The following C1GALT1 variants were observed in gnomAD, a reference collection of about 807,000 sequenced individuals.
C1GALT1 encodes core 1 synthase, glycoprotein-N-acetylgalactosamine 3-beta-galactosyltransferase 1.
Under a neutral mutation model 31.0 loss-of-function variants are expected in C1GALT1, and 11 were observed. The observed-to-expected ratio is 0.36, with a 90% CI of 0.22 to 0.59. The LOEUF is 0.59. Among genes scored for constraint, C1GALT1 ranks in the 20% least tolerant of loss-of-function variants. C1GALT1 has a pLI of 0.79. For synonymous variants in C1GALT1, 175 were observed against 143.6 expected, an observed-to-expected ratio of 1.22 and a Z score of -1.56; for missense variants, 424 against 425.2, an observed-to-expected ratio of 1.00 and a Z score of 0.03.
upstream of C1GALT1, among the ~76,000 whole-genome samples, chr7:7,177,719 C>A (rs1422978383): frequency 6.6e-6 from 1 of 152,190 alleles, no homozygotes; most frequent in African/African-American, 2.4e-5. Context: ...AATAAGTTGT[C>A]ACTTCCTGAA....
At chr7:7,201,065 A>G (rs1446293401) in intron 1 of C1GALT1, among the ~76,000 whole-genome samples, 1 of 152,176 alleles carries the variant, frequency 6.6e-6, no homozygotes, top group African/African-American at 2.4e-5. Flanking sequence ...GTTCCTTTGG[A>G]GGAGAAGAGG....
intron 2 of C1GALT1, among the ~76,000 whole-genome samples, chr7:7,157,815 A>G (rs146520289): frequency 4.7e-4 from 72 of 152,330 alleles, no homozygotes; most frequent in Non-Finnish European, 9.1e-4. Flanking sequence ...GTACATGTAC[A>G]TTCTGAACAA....
At chr7:7,203,671 T>G (rs1165518448) in intron 1 of C1GALT1, among the ~76,000 whole-genome samples, 1 of 152,062 alleles carries the variant, frequency 6.6e-6, no homozygotes, top group East Asian at 1.9e-4. Context: ...TTTCTCTTTT[T>G]AGGTTGCTCT....
intron 2 of C1GALT1, among the ~76,000 whole-genome samples, chr7:7,173,860 T>C (rs989519043): frequency 1.3e-5 from 2 of 152,140 alleles, no homozygotes; most frequent in African/African-American, 4.8e-5. Flanking sequence ...CCTGCCGAGA[T>C]CATGCCACTG....
intron 3 of C1GALT1, 105 bp downstream of exon 3, chr7:7,239,027 C>G: frequency 1.1e-6 from 1 of 911,120 alleles, no homozygotes. Flanking sequence ...ACAACAAGGA[C>G]TCTTCCTTAG....
At chr7:7,182,030 A>G (rs1780602939), upstream of C1GALT1, among the ~76,000 whole-genome samples, 2 of 152,168 alleles carry the variant, frequency 1.3e-5, no homozygotes, top group Admixed American at 1.3e-4. Flanking sequence ...TTCTGGTATC[A>G]TTATCTCGGT....
At chr7:7,227,971 T>G (rs1377684747) in intron 1 of C1GALT1, among the ~76,000 whole-genome samples, 1 of 152,206 alleles carries the variant, frequency 6.6e-6, no homozygotes, top group African/African-American at 2.4e-5. Flanking sequence ...GAAAATGGAC[T>G]AAGACATAAT....
At chr7:7,217,911 C>A (rs181848407) in intron 1 of C1GALT1, among the ~76,000 whole-genome samples, 57 of 152,270 alleles carry the variant, frequency 3.7e-4, no homozygotes, top group African/African-American at 1.4e-3. Flanking sequence ...TAGCTCTCCC[C>A]TCCCTGCCGC....
chr7:7,243,830 A>G lies in C1GALT1; in HGVS notation c.*103A>G. ...ACTGGAATCCCAGTGAGGAATTCTA[A>G]GTGAACATTCCTTATAGAAACCTTT... On this transcript the variant is annotated 3_prime_UTR_variant, in exon 4 of 4. Coordinates refer to ENST00000436587, the MANE Select transcript of C1GALT1 (RefSeq NM_020156.5). 1.2e-6 allele frequency: 1 copy of G among 819,926 alleles called. No homozygotes were observed. The highest frequency in any genetic ancestry group is 1.9e-6 in the Non-Finnish European group (1 of 534,424). The allele number at this position is 819,926 out of a possible 1,614,324, so 50.8% of individuals were successfully genotyped here. A position where few individuals can be genotyped will look rare whatever the true frequency, so the allele number is the denominator to read the frequency against.
intron 1 of C1GALT1, among the ~76,000 whole-genome samples, chr7:7,212,006 C>T (rs1036263833): frequency 7.2e-5 from 11 of 152,214 alleles, no homozygotes; most frequent in East Asian, 5.8e-4. Context: ...GAACTTTAGT[C>T]TTATACTTGG....
chr7:7,231,405 T>C (rs1323393848), intron 1 of C1GALT1, among the ~76,000 whole-genome samples: 1 of 152,160 alleles, frequency 6.6e-6, no homozygotes, highest in Non-Finnish European at 1.5e-5. Flanking sequence ...AAATACCACT[T>C]CTCCTGAGTT....
At chr7:7,164,346 G>A (rs918458108) in intron 2 of C1GALT1, among the ~76,000 whole-genome samples, 13 of 152,150 alleles carry the variant, frequency 8.5e-5, no homozygotes, top group African/African-American at 3.1e-4. Flanking sequence ...GGTCTATGAT[G>A]TATGAAGAGC....
In C1GALT1 at chr7:7,234,365, T is replaced by C. The variant is rs1202975387; in HGVS notation, c.46T>C (p.Ser16Pro). 6.2e-7 allele frequency: 1 copy of C among 1,613,906 alleles called. No individual in the cohort carries two copies. Among genetic ancestry groups the C allele is most frequent in the African/African-American group, 1.3e-5 (1 of 74,940 alleles). Reference sequence around the variant, plus strand: ...GAATTTTTTAACCTTCCTCTGTGGATCAGCAATAGGATTTCTTTTATGTTC... The same window carrying C: ...GAATTTTTTAACCTTCCTCTGTGGACCAGCAATAGGATTTCTTTTATGTTC... ...WLNFLTFLCG[S>P]AIGFLLCSQL... is the part of the protein sequence containing the mutation. The change falls in exon 2 of 4, where the codon TCA becomes CCA. Residue 16 changes from serine (S) to proline (P), a missense_variant. By Grantham distance (74) the Ser-to-Pro change is moderately conservative (BLOSUM62 -1). Around this residue, in one of 3 missense-constraint regions of C1GALT1, gnomAD observed 189 missense variants for 158.2 expected, o/e 1.19. Transcript: ENST00000436587.
chr7:7,188,663 A>G (rs756321602), intron 1 of C1GALT1, among the ~76,000 whole-genome samples: 1 of 152,170 alleles, frequency 6.6e-6, no homozygotes, highest in African/African-American at 2.4e-5. Flanking sequence ...GTTAAATATC[A>G]TATGTATATA....
chr7:7,191,306 A>G (rs1425091576), intron 1 of C1GALT1, among the ~76,000 whole-genome samples: 1 of 152,106 alleles, frequency 6.6e-6, no homozygotes, highest in Non-Finnish European at 1.5e-5. Flanking sequence ...ATTTTGTAGC[A>G]TATATCAGAA....
At chr7:7,169,593 A>G (rs78274662) in intron 2 of C1GALT1, among the ~76,000 whole-genome samples, 3,658 of 151,782 alleles carry the variant, frequency 0.024, 129 homozygotes, top group African/African-American at 0.083. Flanking sequence ...GAAATGGTAC[A>G]TCATTGTTGT....
rs558367840 is a variant in C1GALT1, at chr7:7,199,764, T to C, written c.-18+16944T>C. On this transcript the variant is annotated intron_variant, in intron 1 of 3. Coordinates refer to ENST00000436587, the MANE Select transcript of C1GALT1 (RefSeq NM_020156.5). ...ATATATTTAGAATAGTTAGCTCTTT[T>C]TGTTGAATTGATCCCTGTACCATTA... Among the ~76,000 whole-genome samples the C allele has an allele frequency of 2.0e-5, 3 of 152,364 alleles. No individual in the cohort carries two copies. The South Asian group carries it at 6.2e-4, about 32-fold the overall frequency.
At chr7:7,182,962 C>T in intron 1 of C1GALT1, 142 bp downstream of exon 1, 1 of 560,064 alleles carries the variant, frequency 1.8e-6, no homozygotes, top group Non-Finnish European at 2.3e-6. Context: ...GGGGTCAAAG[C>T]CGGGCTGGGG....
chr7:7,243,482 T>A, intron 3 of C1GALT1, 42 bp from the exon 4 acceptor site: 5 of 1,410,212 alleles, frequency 3.5e-6, no homozygotes, highest in Non-Finnish European at 1.9e-6. Context: ...TAGCTAGCAA[T>A]GTGCTGTTTA....
Sources: allele counts gnomAD v4.1 joint callset (sites outside exome capture counted in the v4.1 genomes callset), GRCh38; gene constraint gnomAD v4.1.1; regional missense constraint gnomAD v4.1.1; transcripts MANE v1.5; gene names NCBI Gene and HGNC (gene_info 2026-07-23, HGNC 2026-07-21).